Variants in SCUBE1 observed in about 807,000 individuals in gnomAD.
The protein encoded by SCUBE1 is signal peptide, CUB domain and EGF like domain containing 1.
Under a neutral mutation model 124.4 loss-of-function variants are expected in SCUBE1, and 59 were observed. The observed-to-expected ratio is 0.47, with a 90% confidence interval of 0.38 to 0.59. The LOEUF is 0.59. Among genes scored for constraint, SCUBE1 ranks in the 20% least tolerant of loss-of-function variants. SCUBE1 has a pLI of 0.00. For missense variants in SCUBE1, 1,150 were observed against 1,371.2 expected, an observed-to-expected ratio of 0.84 and a Z score of 2.55; for synonymous variants, 545 against 550.9, an observed-to-expected ratio of 0.99 and a Z score of 0.15.
chr22:43,303,989 C>A (rs1024552193), intron 3 of SCUBE1, among the ~76,000 whole-genome samples: 1 of 152,224 alleles, frequency 6.6e-6, no homozygotes, highest in African/African-American at 2.4e-5. Flanking sequence ...CCACAGTGGG[C>A]TCCTCTTCCA....
chr22:43,228,476 C>T (rs1354304950), intron 9 of SCUBE1, among the ~76,000 whole-genome samples: 1 of 152,190 alleles, frequency 6.6e-6, no homozygotes, highest in Admixed American at 6.5e-5. Context: ...CCTCCACAGG[C>T]TTCTCATCTG....
intron 2 of SCUBE1, among the ~76,000 whole-genome samples, chr22:43,320,539 G>C (rs1021393551): frequency 1.3e-5 from 2 of 152,040 alleles, no homozygotes; most frequent in Non-Finnish European, 2.9e-5. Flanking sequence ...CACCCTTTTT[G>C]CTGTTTTAAG....
In SCUBE1 at chr22:43,227,454, C is replaced by T. The variant is rs1308471498; in HGVS notation, c.1127G>A (p.Gly376Asp). ...CSMSNGSCDQGCVNTKGSYEC... is the reference protein window; with the variant it reads ...CSMSNGSCDQDCVNTKGSYEC... ...GTAGCTGCCCTTGGTGTTGACGCAG[C>T]CCTGGTCACAGCTCCCGTTGCTCAT... The change falls in exon 10 of 22, where the codon GGC (glycine) becomes GAC (aspartate). Residue 376 changes from glycine (G) to aspartate (D), a missense_variant. Around this residue, in one of 3 missense-constraint regions of SCUBE1, gnomAD observed 337 missense variants for 482.1 expected, o/e 0.70. Transcript: ENST00000360835. 1 of 1,613,210 alleles carries T rather than the reference C, an allele frequency of 6.2e-7. No individual in the cohort carries two copies.
intron 7 of SCUBE1, among the ~76,000 whole-genome samples, chr22:43,235,947 C>A (rs1436433579): frequency 2.0e-5 from 3 of 152,178 alleles, no homozygotes; most frequent in Non-Finnish European, 2.9e-5. Flanking sequence ...TGGACAAAAC[C>A]TCCCAACTCT....
chr22:43,330,065 A>G (rs1048276514), intron 2 of SCUBE1, among the ~76,000 whole-genome samples: 1 of 151,878 alleles, frequency 6.6e-6, no homozygotes, highest in Non-Finnish European at 1.5e-5. Context: ...AATTAGAGAA[A>G]AAAAAAAAAC....
chr22:43,284,809 G>A (rs1006335774), intron 4 of SCUBE1, among the ~76,000 whole-genome samples: 2 of 151,878 alleles, frequency 1.3e-5, no homozygotes, highest in African/African-American at 4.8e-5. Context: ...ACACACAAAG[G>A]GACTGATTCC....
chr22:43,339,948 C>T (rs117466997), intron 1 of SCUBE1, among the ~76,000 whole-genome samples: 5 of 17,798 alleles, frequency 2.8e-4, no homozygotes, highest in African/African-American at 8.3e-4. Flanking sequence ...ACCCTCCCCC[C>T]ACTCTCCTCA....
chr22:43,304,747 G>A (rs532022872), intron 3 of SCUBE1, among the ~76,000 whole-genome samples: 48 of 152,142 alleles, frequency 3.2e-4, no homozygotes, highest in African/African-American at 1.2e-3. Flanking sequence ...TCCAGGCTCT[G>A]CACATGCTGC....
rs574245917 is a variant in SCUBE1, at chr22:43,342,506, C to T, written c.88+668G>A. On this transcript the variant is annotated intron_variant, in intron 1 of 21. Transcript: ENST00000360835. ...TCTTTCCCGGTCTCCCTCTCACCGC[C>T]CCCCCCAACCCCGTTTTTCTGCGGC... Among the ~76,000 whole-genome samples, 5 of 146,720 alleles carry T rather than the reference C, an allele frequency of 3.4e-5. No homozygotes were observed. The South Asian group carries it at 6.4e-4, about 19-fold the overall frequency.
intron 6 of SCUBE1, among the ~76,000 whole-genome samples, chr22:43,254,555 C>T (rs969183596): frequency 3.9e-5 from 6 of 152,180 alleles, no homozygotes; most frequent in African/African-American, 1.4e-4. Context: ...AGAGCTCAGC[C>T]CTGCAGGGTG....
At chr22:43,283,122 G>A (rs1924992342) in intron 4 of SCUBE1, 1 of 152,382 alleles carries the variant, frequency 6.6e-6, no homozygotes, top group African/African-American at 2.4e-5. Context: ...GCCCTGCCCA[G>A]GCACATGTAG....
chr22:43,320,115 C>T (rs1269374595), intron 2 of SCUBE1, 50 bp from the exon 3 acceptor site: 6 of 1,608,766 alleles, frequency 3.7e-6, no homozygotes, highest in Middle Eastern at 3.3e-4. Flanking sequence ...CTGGTGGTCC[C>T]CTCTCCCAAC....
chr22:43,211,065 T>C lies in SCUBE1; in HGVS notation c.2240A>G (p.His747Arg). Residue 747 changes from histidine to arginine, a missense_variant, in exon 18 of 22, where the codon CAC (histidine) becomes CGC (arginine). Transcript: ENST00000360835. This position sits in a 1 kb window ranked among gnomAD's most constrained non-coding sequence, Gnocchi z 4.5. The part of the protein sequence containing the change: ...CEAKVHCSPG[H>R]HYNTTTHRCI... ...GCGGTGGGTGGTGGTGTTGTAGTGG[T>C]GGCCGGGGGAGCAGTGCACTGCCGG... is the stretch of plus-strand genomic sequence containing the variant. The C allele has an allele frequency of 3.1e-6, 5 of 1,612,560 alleles. No individual in the cohort carries two copies. Among genetic ancestry groups the C allele is most frequent in the Non-Finnish European group, 4.2e-6 (5 of 1,179,362 alleles).
intron 15 of SCUBE1, among the ~76,000 whole-genome samples, chr22:43,217,628 G>C (rs1258881712): frequency 6.6e-6 from 1 of 152,108 alleles, no homozygotes; most frequent in Non-Finnish European, 1.5e-5. Flanking sequence ...ATCACCTCTG[G>C]CCTCACTGTA....
chr22:43,236,586 C>T (rs1160669817), intron 7 of SCUBE1, among the ~76,000 whole-genome samples: 2 of 152,234 alleles, frequency 1.3e-5, no homozygotes, highest in African/African-American at 4.8e-5. Context: ...CTTGCGCCAT[C>T]TGGCCCGCCT....
intron 12 of SCUBE1, among the ~76,000 whole-genome samples, chr22:43,221,651 G>C (rs1216012278): frequency 6.6e-6 from 1 of 152,210 alleles, no homozygotes; most frequent in Non-Finnish European, 1.5e-5. Context: ...AGGAAGGGAA[G>C]GGGCTTTGAA....
chr22:43,242,257 A>C (rs1334284802), intron 6 of SCUBE1, among the ~76,000 whole-genome samples: 1 of 152,124 alleles, frequency 6.6e-6, no homozygotes, highest in Non-Finnish European at 1.5e-5. Flanking sequence ...CTTCCATGAC[A>C]ACCAGCCTGG....
rs1922684464 is a variant in SCUBE1, at chr22:43,234,604, AC to A, written c.845-2730del. ...TGGAGGGAAGCCCCCTCCTCACACT[AC>A]CTCAGGATATAGTGAAGGGGGTGCT... On this transcript the variant is annotated intron_variant, in intron 7 of 21. Transcript: ENST00000360835. This position sits in a 1 kb window ranked among gnomAD's most constrained non-coding sequence, Gnocchi z 4.4. Among the ~76,000 whole-genome samples, 1 of 152,034 alleles carries A rather than the reference AC, an allele frequency of 6.6e-6. No homozygotes were observed. Among genetic ancestry groups the A allele is most frequent in the East Asian group, 1.9e-4 (1 of 5,172 alleles).
intron 4 of SCUBE1, among the ~76,000 whole-genome samples, chr22:43,281,503 A>ATCTC (rs200778820): frequency 8.1e-5 from 3 of 36,864 alleles, no homozygotes; most frequent in East Asian, 2.1e-3. Flanking sequence ...CCCTCCTGTC[A>ATCTC]CCTCCTCCTC....
Sources: gnomAD v4.1 joint callset for allele counts (sites outside exome capture counted in the v4.1 genomes callset) on GRCh38, gnomAD v4.1.1 for gene constraint, gnomAD v4.1.1 regional missense constraint, Gnocchi (gnomAD v3.1) non-coding constraint, MANE v1.5 for transcripts, NCBI Gene and HGNC (gene_info 2026-07-23, HGNC 2026-07-21) for gene names.